The following COBLL1 variants were observed in gnomAD, a reference collection of about 807,000 sequenced individuals.
COBLL1 encodes cordon-bleu WH2 repeat protein like 1, also known as cordon-bleu protein-like 1.
Under a neutral mutation model 94.8 loss-of-function variants are expected in COBLL1, and 50 were observed. That is an observed-to-expected ratio of 0.53 (90% confidence interval 0.42 to 0.67). COBLL1 has a LOEUF of 0.67. COBLL1 is among the 30% of genes least tolerant of loss of function. The pLI is 0.00. For missense variants in COBLL1, 1,362 were observed against 1,348.7 expected, an observed-to-expected ratio of 1.01 and a Z score of -0.15; for synonymous variants, 448 against 473.8, an observed-to-expected ratio of 0.95 and a Z score of 0.71.
intron 1 of COBLL1, among the ~76,000 whole-genome samples, chr2:164,666,200 A>G (rs542928252): frequency 6.6e-6 from 1 of 152,302 alleles, no homozygotes; most frequent in East Asian, 1.9e-4. Flanking sequence ...TGCAGGTTCC[A>G]TTCTAGACCA....
At chr2:164,771,881 G>A (rs928596401) in intron 2 of COBLL1, 3 of 151,900 alleles carry the variant, frequency 2.0e-5, no homozygotes, top group Non-Finnish European at 1.5e-5. Context: ...CATGAAAATG[G>A]AATATAATTA....
At chr2:164,719,848 C>G (rs993231790) in intron 7 of COBLL1, among the ~76,000 whole-genome samples, 3 of 151,946 alleles carry the variant, frequency 2.0e-5, no homozygotes, top group African/African-American at 7.3e-5. Flanking sequence ...GAAGAGATGT[C>G]TTCTCTGAAT....
At chr2:164,745,415 C>T (rs1686813100) in intron 2 of COBLL1, among the ~76,000 whole-genome samples, 1 of 152,088 alleles carries the variant, frequency 6.6e-6, no homozygotes, top group Non-Finnish European at 1.5e-5. Flanking sequence ...AAGAATGCCC[C>T]CCAATTTCAA....
rs370667291 is a variant in COBLL1 at position 164,702,162 on chromosome 2, T to G, written c.1226-1406A>C. Among the ~76,000 whole-genome samples, 10 of 152,162 alleles carry G rather than the reference T, an allele frequency of 6.6e-5. No individual in the cohort carries two copies. In the East Asian group the frequency reaches 1.2e-3, roughly 18 times the overall value. On this transcript the variant is annotated intron_variant, in intron 9 of 13. Transcript: ENST00000652658. ...TTTAAAATTTAGGTTTAAGTGAATA[T>G]TCAAATGTACATATTTTGGCAAATG...
chr2:164,803,243 T>C (rs1190942351), intron 2 of COBLL1, among the ~76,000 whole-genome samples: 1 of 152,198 alleles, frequency 6.6e-6, no homozygotes, highest in East Asian at 1.9e-4. Flanking sequence ...ATGTGATATC[T>C]TTAAAAGCGT....
At chr2:164,677,797 T>C (rs1036355609), downstream of COBLL1, among the ~76,000 whole-genome samples, 4 of 152,178 alleles carry the variant, frequency 2.6e-5, no homozygotes, top group Non-Finnish European at 5.9e-5. Flanking sequence ...AAGATCTAGA[T>C]CTAGAGAGAT....
chr2:164,771,059 A>G (rs1688178578), intron 2 of COBLL1, among the ~76,000 whole-genome samples: 1 of 152,078 alleles, frequency 6.6e-6, no homozygotes, highest in Non-Finnish European at 1.5e-5. Context: ...TACTCTTACA[A>G]TATTTTCTTA....
At chr2:164,711,170 A>C (rs768330418) in intron 7 of COBLL1, among the ~76,000 whole-genome samples, 4 of 152,208 alleles carry the variant, frequency 2.6e-5, no homozygotes, top group Non-Finnish European at 5.9e-5. Context: ...CACCTATGTC[A>C]AAAGGGGCTG....
Position 164,704,521 on chromosome 2 carries a change from A to C in COBLL1, c.1151-3T>G. The C allele has an allele frequency of 6.2e-7, 1 of 1,609,552 alleles. No homozygotes were observed. Among genetic ancestry groups the C allele is most frequent in the Non-Finnish European group, 8.5e-7 (1 of 1,175,924 alleles). On this transcript the variant is annotated splice_region_variant and splice_polypyrimidine_tract_variant and intron_variant, in intron 8 of 13. Transcript: ENST00000652658. ...AACTCCATCTACTGGCTGTAAGGCT[A>C]AAGGAAAGAAGCAACACAACTTATA...
rs1473892844 is a variant in COBLL1, at chr2:164,736,673, T to C, written c.231-6558A>G. On this transcript the variant is annotated intron_variant, in intron 3 of 13. Transcript: ENST00000652658. Reference sequence around the variant, plus strand: ...TACATGCCCCTTATAAAAACAAAAATACTACAAATATATCTCACTATAATT... The same window carrying C: ...TACATGCCCCTTATAAAAACAAAAACACTACAAATATATCTCACTATAATT... 2.6e-5 allele frequency among the ~76,000 whole-genome samples: 4 copies of C among 152,032 alleles called. No homozygotes were observed. The East Asian group carries it at 7.7e-4, about 29-fold the overall frequency.
intron 13 of COBLL1, among the ~76,000 whole-genome samples, chr2:164,689,274 C>G (rs2105415142): frequency 6.6e-6 from 1 of 152,070 alleles, no homozygotes; most frequent in Non-Finnish European, 1.5e-5. Flanking sequence ...TGCGTATGAA[C>G]CAGAGCCATA....
At chr2:164,798,815 C>G (rs944617592) in intron 2 of COBLL1, among the ~76,000 whole-genome samples, 1 of 151,742 alleles carries the variant, frequency 6.6e-6, no homozygotes, top group Non-Finnish European at 1.5e-5. Context: ...GTCAGGAGAT[C>G]GAGACCACCC....
At chr2:164,783,677 A>G (rs1451816918) in intron 2 of COBLL1, among the ~76,000 whole-genome samples, 2 of 152,104 alleles carry the variant, frequency 1.3e-5, no homozygotes, top group Non-Finnish European at 2.9e-5. Context: ...AGTTAAAACC[A>G]TCACACTGGC....
At chr2:164,764,780 T>C (rs1687854554) in intron 2 of COBLL1, among the ~76,000 whole-genome samples, 2 of 152,156 alleles carry the variant, frequency 1.3e-5, no homozygotes, top group South Asian at 2.1e-4. Context: ...CTACATTGTA[T>C]TGAAACATAA....
chr2:164,737,431 T>C (rs879892135), intron 3 of COBLL1, among the ~76,000 whole-genome samples: 6 of 152,082 alleles, frequency 3.9e-5, no homozygotes, highest in Non-Finnish European at 8.8e-5. Context: ...ACTCAAATAG[T>C]ACCGATTAAA....
intron 2 of COBLL1, among the ~76,000 whole-genome samples, chr2:164,819,785 T>C (rs1685067214): frequency 1.3e-5 from 2 of 151,064 alleles, no homozygotes; most frequent in African/African-American, 4.9e-5. Context: ...AAAAAGAACA[T>C]GTAGTTTTTT....
intron 2 of COBLL1, among the ~76,000 whole-genome samples, chr2:164,658,024 G>T (rs1289986061): frequency 1.3e-5 from 2 of 152,092 alleles, no homozygotes; most frequent in African/African-American, 2.4e-5. Flanking sequence ...TTTATATCCC[G>T]ATCATTGTCC....
chr2:164,707,974 A>G (rs3769870), intron 7 of COBLL1, among the ~76,000 whole-genome samples: 32,308 of 152,138 alleles, frequency 0.21, 4,724 homozygotes, highest in African/African-American at 0.42. Context: ...TGAGTTAGCC[A>G]TGCTCTTTGC....
intron 2 of COBLL1, among the ~76,000 whole-genome samples, chr2:164,760,454 C>G (rs1381690541): frequency 6.6e-6 from 1 of 151,936 alleles, no homozygotes; most frequent in Non-Finnish European, 1.5e-5. Flanking sequence ...GTTCTGTACT[C>G]TGATAAAGAA....
Sources: allele counts gnomAD v4.1 joint callset (sites outside exome capture counted in the v4.1 genomes callset), GRCh38; gene constraint gnomAD v4.1.1; transcripts MANE v1.5; gene names NCBI Gene and HGNC (gene_info 2026-07-23, HGNC 2026-07-21).